SLC9A8: variants seen among roughly 807,000 people sequenced by gnomAD.
The protein encoded by SLC9A8 is solute carrier family 9 member A8.
SLC9A8 carries 48 observed loss-of-function variants against 66.6 expected under a neutral mutation model. The ratio of observed to expected loss-of-function variants is 0.72; its 90% confidence interval spans 0.57 to 0.92. The LOEUF is 0.92. Ranked by LOEUF, SLC9A8 falls within the 40% of genes least tolerant of loss-of-function variation. The probability of loss-of-function intolerance (pLI) is 0.00; values close to 1 mark genes in which losing one functional copy is unlikely to be tolerated. For synonymous variants in SLC9A8, 274 were observed against 282.6 expected (o/e 0.97, Z 0.31); for missense variants, 599 against 747.3 (o/e 0.80, Z 2.31).
At chr20:49,884,937 C>G (rs965697038) in intron 14 of SLC9A8, among the ~76,000 whole-genome samples, 13 of 152,264 alleles carry the variant, frequency 8.5e-5, no homozygotes, top group Non-Finnish European at 1.9e-4. Context: ...ACATGCATCT[C>G]TTTCTAGTTC....
At position 49,812,963 on chromosome 20, in the gene SLC9A8, T is replaced by A; in HGVS notation, c.26+15T>A. 1 of 1,399,978 alleles carries A rather than the reference T, an allele frequency of 7.1e-7. No individual in the cohort carries two copies. The highest frequency in any genetic ancestry group is 9.3e-7 in the Non-Finnish European group (1 of 1,075,406). 86.7% of individuals were successfully genotyped at this position (1,399,978 alleles called of 1,614,324 possible). On this transcript the variant is annotated intron_variant, in intron 1 of 15. Transcript: ENST00000361573. Reference sequence around the variant, plus strand: ...GCGGAAGAGGAGTGAGTGGGCTTTTTCCCGGGCGGCGGAGGCGGCGGGGCT... The same window carrying A: ...GCGGAAGAGGAGTGAGTGGGCTTTTACCCGGGCGGCGGAGGCGGCGGGGCT...
Position 49,815,103 on chromosome 20 carries a change from C to G in SLC9A8, c.122C>G (p.Pro41Arg). 1 of 1,609,144 alleles carries G rather than the reference C, an allele frequency of 6.2e-7. No individual in the cohort carries two copies. Among genetic ancestry groups the G allele is most frequent in the Non-Finnish European group, 8.5e-7 (1 of 1,177,972 alleles). Residue 41 changes from proline (P) to arginine (R), a missense_variant, in exon 2 of 16, where the codon CCC becomes CGC. By Grantham distance (103) the Pro-to-Arg change is moderately radical (BLOSUM62 -2). Around this residue, in one of 2 missense-constraint regions of SLC9A8, gnomAD observed 132 missense variants for 120.9 expected, o/e 1.09. Transcript: ENST00000361573. ...TKLVLPTPGK[P>R]ILPVQTGEQA... ...CTGGTGCTCCCGACCCCTGGCAAGC[C>G]CATCCTCCCCGTGCAGACAGGGGAG...
At chr20:49,880,249 G>A (rs1422796177) in intron 12 of SLC9A8, among the ~76,000 whole-genome samples, 2 of 123,890 alleles carry the variant, frequency 1.6e-5, no homozygotes, top group African/African-American at 3.3e-5. Context: ...GCGAGACAGA[G>A]TGAGACTTTG....
intron 8 of SLC9A8, among the ~76,000 whole-genome samples, chr20:49,860,658 T>C (rs1010523675): frequency 1.3e-5 from 2 of 152,070 alleles, no homozygotes; most frequent in African/African-American, 4.8e-5. Context: ...GAGACAGAGG[T>C]TGCAGTGAGC....
At chr20:49,839,504 C>A in intron 3 of SLC9A8, 37 bp from the exon 4 acceptor site, 1 of 1,353,634 alleles carries the variant, frequency 7.4e-7, no homozygotes, top group Non-Finnish European at 1.0e-6. Flanking sequence ...TTTCTCATAT[C>A]TTAAATTTAT....
Position 49,889,863 on chromosome 20 carries a change from T to C in SLC9A8, c.*1927T>C, listed in dbSNP as rs2090002972. 6.6e-6 allele frequency: 1 copy of C among 152,236 alleles called. No individual in the cohort carries two copies. Among genetic ancestry groups the C allele is most frequent in the South Asian group, 2.1e-4 (1 of 4,832 alleles). 9.4% of individuals were successfully genotyped at this position (152,236 alleles called of 1,614,324 possible). ...TCCCATCTCCCAGATGTAAGTTGTT[T>C]TGCAAACTCAGTTTGCCAGGATTTC... On this transcript the variant is annotated 3_prime_UTR_variant, in exon 16 of 16. Coordinates refer to ENST00000361573, the MANE Select transcript of SLC9A8 (RefSeq NM_015266.3).
rs562996954 is a variant in SLC9A8, at chr20:49,887,025, G to A, written c.1638+127G>A. On this transcript the variant is annotated intron_variant, in intron 15 of 15. Coordinates refer to ENST00000361573, the MANE Select transcript of SLC9A8 (RefSeq NM_015266.3). ...AAAGCTCACGTGGGCCCGCCAGGCC[G>A]CCGCCTCCCGATCTGGAGGCTGGAC... 16 of 1,016,898 alleles carry A rather than the reference G, an allele frequency of 1.6e-5. No individual in the cohort carries two copies. The African/African-American group carries it at 1.6e-4, about 10-fold the overall frequency. 63.0% of individuals were successfully genotyped at this position (1,016,898 alleles called of 1,614,324 possible).
chr20:49,816,238 G>A (rs1462471490), intron 2 of SLC9A8, among the ~76,000 whole-genome samples: 2 of 152,006 alleles, frequency 1.3e-5, no homozygotes, highest in Admixed American at 1.3e-4. Context: ...TGGCCAACAT[G>A]GTGAAACCCT....
chr20:49,872,555 G>A (rs1176668911), intron 10 of SLC9A8, among the ~76,000 whole-genome samples: 2 of 151,454 alleles, frequency 1.3e-5, no homozygotes, highest in African/African-American at 2.4e-5. Context: ...CCGCAATCTC[G>A]GCTCACTGCA....
At chr20:49,884,874 C>T (rs2089833399) in intron 14 of SLC9A8, among the ~76,000 whole-genome samples, 1 of 152,240 alleles carries the variant, frequency 6.6e-6, no homozygotes, top group South Asian at 2.1e-4. Context: ...GAAGCAGAGG[C>T]TGCTGTAGGC....
intron 10 of SLC9A8, among the ~76,000 whole-genome samples, chr20:49,867,439 G>A (rs969594883): frequency 3.3e-5 from 5 of 152,124 alleles, no homozygotes; most frequent in Admixed American, 2.0e-4. Flanking sequence ...TGGTGGGAAC[G>A]CAAACTATTC....
At chr20:49,842,029 G>A (rs1039372352) in intron 4 of SLC9A8, among the ~76,000 whole-genome samples, 2 of 151,012 alleles carry the variant, frequency 1.3e-5, no homozygotes, top group Admixed American at 6.6e-5. Flanking sequence ...ATTGAGCCAC[G>A]TGGCCTATAT....
chr20:49,835,732 C>T (rs2087508607), intron 3 of SLC9A8, among the ~76,000 whole-genome samples: 2 of 128,260 alleles, frequency 1.6e-5, no homozygotes, highest in Non-Finnish European at 3.1e-5. Flanking sequence ...ATCACCCAGG[C>T]TGGAGTGCAG....
intron 3 of SLC9A8, among the ~76,000 whole-genome samples, chr20:49,834,329 C>CTG (rs201925240): frequency 0.25 from 24,081 of 97,510 alleles, 4,150 homozygotes; most frequent in Non-Finnish European, 0.32. Context: ...TATATATATA[C>CTG]TGTGTATATA....
intron 8 of SLC9A8, among the ~76,000 whole-genome samples, chr20:49,855,998 G>A (rs2088465112): frequency 3.3e-5 from 5 of 152,038 alleles, no homozygotes; most frequent in African/African-American, 9.7e-5. Context: ...TCGCCATGTT[G>A]CCCAGGCTTG....
Position 49,830,810 on chromosome 20 carries a change from A to G in SLC9A8, c.289+7669A>G. The G allele has an allele frequency of 6.5e-6, 8 of 1,238,298 alleles. No homozygotes were observed. In the South Asian group the frequency reaches 8.4e-5, roughly 13 times the overall value. The allele number at this position is 1,238,298 out of a possible 1,614,324, so 76.7% of individuals were successfully genotyped here. On this transcript the variant is annotated intron_variant, in intron 3 of 15. Coordinates refer to ENST00000361573, the MANE Select transcript of SLC9A8 (RefSeq NM_015266.3). ...AGGTGCTGACCCTGGCCTAGGTGAC[A>G]GATCAGGCCCAGCAGACACTCTTGG...
At chr20:49,842,980 A>G (rs768542349) in intron 4 of SLC9A8, among the ~76,000 whole-genome samples, 8 of 152,018 alleles carry the variant, frequency 5.3e-5, no homozygotes, top group East Asian at 1.9e-4. Context: ...CCACGTGTCT[A>G]TGTGCCTTGT....
At chr20:49,853,550 G>A (rs1315973299) in intron 7 of SLC9A8, among the ~76,000 whole-genome samples, 5 of 152,232 alleles carry the variant, frequency 3.3e-5, no homozygotes, top group Non-Finnish European at 2.9e-5. Flanking sequence ...TGTCTGGGTT[G>A]TGGTGCAAGG....
intron 14 of SLC9A8, among the ~76,000 whole-genome samples, chr20:49,885,169 C>T (rs903337571): frequency 5.9e-5 from 9 of 152,288 alleles, no homozygotes; most frequent in African/African-American, 2.2e-4. Context: ...AGGCCCTTTG[C>T]CCCCACCCCC....
Sources: allele counts gnomAD v4.1 joint callset (sites outside exome capture counted in the v4.1 genomes callset), GRCh38; gene constraint gnomAD v4.1.1; regional missense constraint gnomAD v4.1.1; transcripts MANE v1.5; gene names NCBI Gene and HGNC (gene_info 2026-07-23, HGNC 2026-07-21).